The following ERBB4 variants were observed in gnomAD, a reference collection of about 807,000 sequenced individuals.
The protein encoded by ERBB4 is erb-b2 receptor tyrosine kinase 4.
A neutral mutation model predicts 158.0 loss-of-function variants in ERBB4; 42 were observed. The observed-to-expected ratio is 0.27, with a 90% CI of 0.21 to 0.34. The LOEUF (loss-of-function observed/expected upper bound fraction) is 0.34. Ranked by LOEUF, ERBB4 falls within the 10% of genes least tolerant of loss-of-function variation. ERBB4 has a pLI of 1.00. For synonymous variants in ERBB4, 583 were observed against 558.7 expected, an observed-to-expected ratio of 1.04 and a Z score of -0.61; for missense variants, 1,333 against 1,624.1, an observed-to-expected ratio of 0.82 and a Z score of 3.08.
At chr2:211,456,103 G>T (rs182823685) in intron 20 of ERBB4, among the ~76,000 whole-genome samples, 705 of 152,224 alleles carry the variant, frequency 4.6e-3, no homozygotes, top group Admixed American at 7.3e-3. Flanking sequence ...AGTGTGTGAA[G>T]CCACCTATGA....
chr2:211,634,280 G>A (rs1252374551), intron 16 of ERBB4, among the ~76,000 whole-genome samples: 1 of 151,098 alleles, frequency 6.6e-6, no homozygotes, highest in Non-Finnish European at 1.5e-5. Context: ...ATTTCATTTT[G>A]TTATTCCCTG....
At position 211,428,376 on chromosome 2, in the gene ERBB4, C is replaced by G. The variant is rs368063037; in HGVS notation, c.2719+32G>C. 3 of 1,301,828 alleles carry G rather than the reference C, an allele frequency of 2.3e-6. No individual in the cohort carries two copies. In the African/African-American group the frequency reaches 4.4e-5, roughly 19 times the overall value. The allele number at this position is 1,301,828 out of a possible 1,614,324, so 80.6% of individuals were successfully genotyped here. ...ACTTAACATATGTATTTTTGCTTTA[C>G]AAGCTTTAATTCGCAAAGAAGATTT... On this transcript the variant is annotated intron_variant, in intron 22 of 27. Coordinates refer to ENST00000342788, the MANE Select transcript of ERBB4 (RefSeq NM_005235.3).
chr2:212,248,970 T>C (rs539766446), intron 1 of ERBB4, among the ~76,000 whole-genome samples: 5 of 152,298 alleles, frequency 3.3e-5, no homozygotes, highest in African/African-American at 9.6e-5. Flanking sequence ...AAATGGACTA[T>C]GCATATAATT....
At chr2:212,020,730 T>C (rs1017617632) in intron 2 of ERBB4, among the ~76,000 whole-genome samples, 5 of 152,156 alleles carry the variant, frequency 3.3e-5, no homozygotes, top group African/African-American at 1.2e-4. Context: ...CTGCCTGTAG[T>C]AGTTACTTTA....
intron 3 of ERBB4, among the ~76,000 whole-genome samples, chr2:211,911,241 T>C (rs2079533821): frequency 6.6e-6 from 1 of 152,198 alleles, no homozygotes; most frequent in Non-Finnish European, 1.5e-5. Flanking sequence ...GATGCAAACA[T>C]GGACATCTTC....
intron 1 of ERBB4, among the ~76,000 whole-genome samples, chr2:212,446,015 C>T (rs967743048): frequency 2.0e-5 from 3 of 152,146 alleles, no homozygotes; most frequent in South Asian, 2.1e-4. Context: ...TTATTGACTT[C>T]GTATCAGCAT....
intron 3 of ERBB4, among the ~76,000 whole-genome samples, chr2:211,890,500 A>C (rs901682448): frequency 4.6e-5 from 7 of 152,120 alleles, no homozygotes; most frequent in African/African-American, 7.2e-5. Flanking sequence ...GCATCAACTA[A>C]TGAGCAAAAT....
chr2:211,605,168 G>A (rs2068936801), intron 19 of ERBB4, among the ~76,000 whole-genome samples: 1 of 152,128 alleles, frequency 6.6e-6, no homozygotes, highest in Non-Finnish European at 1.5e-5. Flanking sequence ...ATTGTTTTAT[G>A]AAGTTCAAGC....
At chr2:212,475,142 A>G (rs940237686) in intron 1 of ERBB4, among the ~76,000 whole-genome samples, 5 of 152,122 alleles carry the variant, frequency 3.3e-5, no homozygotes, top group Non-Finnish European at 5.9e-5. Context: ...CTTTCTTCAT[A>G]GTCTACATCT....
chr2:212,050,130 C>T (rs748637844), intron 2 of ERBB4, among the ~76,000 whole-genome samples: 1 of 152,002 alleles, frequency 6.6e-6, no homozygotes, highest in Non-Finnish European at 1.5e-5. Flanking sequence ...CTTTAAAATG[C>T]ATCCTCATAG....
chr2:211,790,092 C>T (rs13035133), intron 3 of ERBB4, among the ~76,000 whole-genome samples: 87,237 of 151,790 alleles, frequency 0.57, 26,262 homozygotes, highest in African/African-American at 0.64. Flanking sequence ...AGAAGGGAGA[C>T]GTAAGACGTA....
intron 19 of ERBB4, among the ~76,000 whole-genome samples, chr2:211,568,303 T>A (rs1265029869): frequency 6.6e-6 from 1 of 152,086 alleles, no homozygotes; most frequent in African/African-American, 2.4e-5. Flanking sequence ...ACTACTGAGG[T>A]ATAGATTAAA....
chr2:211,598,877 A>G (rs1319585650), intron 19 of ERBB4, among the ~76,000 whole-genome samples: 1 of 152,170 alleles, frequency 6.6e-6, no homozygotes, highest in African/African-American at 2.4e-5. Flanking sequence ...GTACCCAACA[A>G]TTTGAGTAAC....
Position 211,424,293 on chromosome 2 carries a change from T to C in ERBB4, c.2728A>G (p.Ile910Val), listed in dbSNP as rs754195521. 4.3e-6 allele frequency: 7 copies of C among 1,611,950 alleles called. No homozygotes were observed. Among genetic ancestry groups the C allele is most frequent in the East Asian group, 2.2e-5 (1 of 44,830 alleles). ...QSDVWSYGVT[I>V]WELMTFGGKP... is the part of the protein sequence containing the mutation. ...CCTCCAAAGGTCATCAGTTCCCATA[T>C]AGTAACTCCTATATTGGAGAAAAAA... The change falls in exon 23 of 28, where the codon ATA becomes GTA. Residue 910 changes from isoleucine (I) to valine (V), a missense_variant. Coordinates refer to ENST00000342788, the MANE Select transcript of ERBB4 (RefSeq NM_005235.3).
At chr2:211,827,837 A>T (rs2077136798) in intron 3 of ERBB4, among the ~76,000 whole-genome samples, 1 of 152,048 alleles carries the variant, frequency 6.6e-6, no homozygotes, top group Non-Finnish European at 1.5e-5. Context: ...TATTTTTATT[A>T]TATACAATAA....
intron 20 of ERBB4, among the ~76,000 whole-genome samples, chr2:211,493,345 C>CAATAA (rs1228190275): frequency 6.6e-6 from 1 of 151,938 alleles, no homozygotes; most frequent in African/African-American, 2.4e-5. Flanking sequence ...ACAGACAAAA[C>CAATAA]AATAAAGTGC....
intron 1 of ERBB4, among the ~76,000 whole-genome samples, chr2:212,405,123 C>T (rs183007506): frequency 4.0e-5 from 6 of 151,698 alleles, no homozygotes; most frequent in Admixed American, 6.6e-5. Context: ...ATCCAGCATC[C>T]GTAAGGAACT....
At chr2:212,041,059 G>A (rs140241881) in intron 2 of ERBB4, among the ~76,000 whole-genome samples, 94 of 152,168 alleles carry the variant, frequency 6.2e-4, no homozygotes, top group African/African-American at 2.2e-3. Context: ...TGGGAGTTAC[G>A]TGAACTTGAC....
chr2:212,156,877 C>G (rs553760883), intron 1 of ERBB4, among the ~76,000 whole-genome samples: 1 of 152,116 alleles, frequency 6.6e-6, no homozygotes, highest in South Asian at 2.1e-4. Flanking sequence ...TAATTCACTT[C>G]CCGTAGGCCC....
Sources: allele counts gnomAD v4.1 joint callset (sites outside exome capture counted in the v4.1 genomes callset), GRCh38; gene constraint gnomAD v4.1.1; transcripts MANE v1.5; gene names NCBI Gene and HGNC (gene_info 2026-07-23, HGNC 2026-07-21).